The following AK8 variants were observed in gnomAD, a reference collection of about 807,000 sequenced individuals.
AK8 encodes the protein adenylate kinase 8.
A neutral mutation model predicts 54.6 loss-of-function variants in AK8; 44 were observed. The ratio of observed to expected loss-of-function variants is 0.81; its 90% confidence interval spans 0.63 to 1.04. The LOEUF is 1.04. Ranked by LOEUF, AK8 falls within the 50% of genes least tolerant of loss-of-function variation. The probability of loss-of-function intolerance (pLI) is 0.00; values close to 1 mark genes in which losing one functional copy is unlikely to be tolerated. For synonymous variants in AK8, 239 were observed against 245.6 expected (o/e 0.97, Z 0.25); for missense variants, 555 against 613.6 (o/e 0.90, Z 1.01).
rs1171756744 is a variant in AK8, at chr9:132,803,157, A to C, written c.980-10382T>G. ...TGTGAGAACTCACTATCACGAGAACAGCATGGAGGTAACCACCCCCAAGAT... is the reference window on the plus strand; with the variant it reads ...TGTGAGAACTCACTATCACGAGAACCGCATGGAGGTAACCACCCCCAAGAT... On this transcript the variant is annotated intron_variant, in intron 10 of 12. Coordinates refer to ENST00000298545, the MANE Select transcript of AK8 (RefSeq NM_152572.3). This position sits in a 1 kb window ranked among gnomAD's most constrained non-coding sequence, Gnocchi z 4.4. Among the ~76,000 whole-genome samples, 1 of 152,192 alleles carries C rather than the reference A, an allele frequency of 6.6e-6. No homozygotes were observed. The highest frequency in any genetic ancestry group is 2.4e-5 in the African/African-American group (1 of 41,440).
At position 132,803,795 on chromosome 9, in the gene AK8, T is replaced by C. The variant is rs1303299529; in HGVS notation, c.979+10843A>G. On this transcript the variant is annotated intron_variant, in intron 10 of 12. Transcript: ENST00000298545. The surrounding 1 kb of genome is among the most constrained non-coding windows in gnomAD (Gnocchi z 4.4). The stretch of plus-strand genomic sequence containing the variant: ...AGGCTGCATGCTGCCCCCTGTGACC[T>C]GTCTCCTCTTTGTTCCTTCAAGACT... Among the ~76,000 whole-genome samples the C allele has an allele frequency of 1.3e-5, 2 of 152,094 alleles. No homozygotes were observed. Among genetic ancestry groups the C allele is most frequent in the Admixed American group, 1.3e-4 (2 of 15,270 alleles).
At chr9:132,746,158 G>A (rs4962211) in intron 11 of AK8, among the ~76,000 whole-genome samples, 62,883 of 145,680 alleles carry the variant, frequency 0.43, 13,263 homozygotes, top group Admixed American at 0.57. Flanking sequence ...CTCTGAGATG[G>A]TTCTATTCTC....
At chr9:132,856,434 G>A (rs1468892640) in intron 4 of AK8, among the ~76,000 whole-genome samples, 1 of 152,176 alleles carries the variant, frequency 6.6e-6, no homozygotes, top group African/African-American at 2.4e-5. Context: ...CTGCAAATGT[G>A]GCTTTTATTT....
intron 11 of AK8, among the ~76,000 whole-genome samples, chr9:132,742,421 C>G (rs548973989): frequency 2.6e-5 from 4 of 152,172 alleles, no homozygotes; most frequent in Non-Finnish European, 5.9e-5. Flanking sequence ...ATCCACCCAC[C>G]GTGGCCTCCC....
intron 1 of AK8, among the ~76,000 whole-genome samples, chr9:132,877,560 G>C (rs921339994): frequency 6.6e-6 from 1 of 152,232 alleles, no homozygotes. Context: ...CCCTGGCGGG[G>C]ACGGGGCCTC....
At chr9:132,730,273 G>A (rs1306608703) in intron 11 of AK8, among the ~76,000 whole-genome samples, 1 of 152,134 alleles carries the variant, frequency 6.6e-6, no homozygotes, top group Non-Finnish European at 1.5e-5. Flanking sequence ...ATGGGACACT[G>A]GTTCCCATGG....
At chr9:132,848,339 A>G (rs1029931675) in intron 5 of AK8, among the ~76,000 whole-genome samples, 2 of 152,124 alleles carry the variant, frequency 1.3e-5, no homozygotes, top group African/African-American at 4.8e-5. Context: ...TGCTCTGCCA[A>G]AAGATTGTTT....
At chr9:132,835,175 AG>A (rs1240247415) in intron 5 of AK8, among the ~76,000 whole-genome samples, 1 of 152,088 alleles carries the variant, frequency 6.6e-6, no homozygotes, top group Non-Finnish European at 1.5e-5. Flanking sequence ...CGGCTTCAAG[AG>A]GGTTTTTATT....
chr9:132,769,022 G>C (rs571130723), intron 11 of AK8: 4 of 151,964 alleles, frequency 2.6e-5, no homozygotes, highest in African/African-American at 4.8e-5. Context: ...CTGCCCGCAT[G>C]GGGGGAAACA....
intron 11 of AK8, among the ~76,000 whole-genome samples, chr9:132,784,679 G>C (rs935101124): frequency 1.3e-5 from 2 of 152,136 alleles, no homozygotes; most frequent in African/African-American, 4.8e-5. Context: ...CATGATCAAA[G>C]AATTCTTTGC....
In AK8 at chr9:132,827,022, C is replaced by T. The variant is rs750120409; in HGVS notation, c.589G>A (p.Glu197Lys). The change falls in exon 8 of 13, where the codon GAA becomes AAA. Residue 197 changes from glutamate (E) to lysine (K), a missense_variant. Coordinates refer to ENST00000298545, the MANE Select transcript of AK8 (RefSeq NM_152572.3). ...ATGAGACGGTTCTGGATTTCAGATT[C>T]GGGTGGCCAGTCAAAGGTGGTGTGA... is the stretch of plus-strand genomic sequence containing the variant. ...IYHTTFDWPP[E>K]SEIQNRLMVP... is the part of the protein sequence containing the mutation. 1.2e-5 allele frequency: 20 copies of T among 1,614,216 alleles called. No homozygotes were observed. The East Asian group carries it at 3.6e-4, about 29-fold the overall frequency.
chr9:132,742,776 G>A (rs913499333), intron 11 of AK8, among the ~76,000 whole-genome samples: 12 of 152,140 alleles, frequency 7.9e-5, no homozygotes, highest in African/African-American at 2.7e-4. Flanking sequence ...CAGAACCCAC[G>A]TGGGCCCACA....
At chr9:132,853,810 T>TAAAAAAAAAAAAAAA (rs1843065733) in intron 5 of AK8, among the ~76,000 whole-genome samples, 1 of 94,132 alleles carries the variant, frequency 1.1e-5, no homozygotes. Context: ...AAAAAAAAAG[T>TAAAAAAAAAAAAAAA]AAACAGAGTG....
rs148873979 is a variant in AK8 at position 132,810,333 on chromosome 9, T to C, written c.979+4305A>G. On this transcript the variant is annotated intron_variant, in intron 10 of 12. Coordinates refer to ENST00000298545, the MANE Select transcript of AK8 (RefSeq NM_152572.3). Reference sequence around the variant, plus strand: ...CGGGTCTCGCTAACTTTATAGAAAATTGGGAATTGTGCCGTCAGCCTCCTT... The same window carrying C: ...CGGGTCTCGCTAACTTTATAGAAAACTGGGAATTGTGCCGTCAGCCTCCTT... Among the ~76,000 whole-genome samples the C allele has an allele frequency of 1.8e-4, 28 of 152,168 alleles. No individual in the cohort carries two copies. In the East Asian group the frequency reaches 5.4e-3, roughly 29 times the overall value.
chr9:132,788,965 C>T (rs981471246), intron 11 of AK8, among the ~76,000 whole-genome samples: 1 of 152,138 alleles, frequency 6.6e-6, no homozygotes, highest in Non-Finnish European at 1.5e-5. Context: ...CCTTGTGCTG[C>T]CAATATCATA....
At position 132,781,677 on chromosome 9, in the gene AK8, A is replaced by G. The variant is rs1420526689; in HGVS notation, c.1121+10957T>C. On this transcript the variant is annotated intron_variant, in intron 11 of 12. Coordinates refer to ENST00000298545, the MANE Select transcript of AK8 (RefSeq NM_152572.3). The surrounding 1 kb of genome is among the most constrained non-coding windows in gnomAD (Gnocchi z 4.6). ...ATTTCTGTATCGTATTCCCAGATTGATTTCTAGGCTATAATTCTGTCAAGA... is the reference window on the plus strand; with the variant it reads ...ATTTCTGTATCGTATTCCCAGATTGGTTTCTAGGCTATAATTCTGTCAAGA... 6.6e-6 allele frequency among the ~76,000 whole-genome samples: 1 copy of G among 152,130 alleles called. No homozygotes were observed.
chr9:132,767,177 G>A (rs2131074523), intron 11 of AK8, among the ~76,000 whole-genome samples: 1 of 152,312 alleles, frequency 6.6e-6, no homozygotes, highest in South Asian at 2.1e-4. Flanking sequence ...GGAAACAACA[G>A]AGTGAAGAGA....
intron 10 of AK8, among the ~76,000 whole-genome samples, chr9:132,795,113 G>A (rs1198436917): frequency 6.6e-6 from 1 of 152,200 alleles, no homozygotes; most frequent in African/African-American, 2.4e-5. Flanking sequence ...AGCCTTGGAA[G>A]TTAAAGACAG....
chr9:132,749,960 C>CGAGATACTGACAGCACACTCCTA lies in AK8; in HGVS notation c.1122-22449_1122-22427dup, dbSNP rs1231097998. Among the ~76,000 whole-genome samples, 876 of 146,984 alleles carry CGAGATACTGACAGCACACTCCTA rather than the reference C, an allele frequency of 6.0e-3. 12 individuals are homozygous for CGAGATACTGACAGCACACTCCTA. Among genetic ancestry groups the CGAGATACTGACAGCACACTCCTA allele is most frequent in the African/African-American group, 0.021 (819 of 38,940 alleles). On this transcript the variant is annotated intron_variant, in intron 11 of 12. Transcript: ENST00000298545. ...CCTCCTTCCTCTGTCTTCCTTACCT[C>CGAGATACTGACAGCACACTCCTA]GAGATACTGACAGCACACTCCTAGA... is the stretch of plus-strand genomic sequence containing the variant.
Sources: gnomAD v4.1 joint callset for allele counts (sites outside exome capture counted in the v4.1 genomes callset) on GRCh38, gnomAD v4.1.1 for gene constraint, Gnocchi (gnomAD v3.1) non-coding constraint, MANE v1.5 for transcripts, NCBI Gene and HGNC (gene_info 2026-07-23, HGNC 2026-07-21) for gene names.